Variants in CPNE8 observed in about 807,000 individuals in gnomAD.
The protein encoded by CPNE8 is copine 8, also known as copine-8.
Under a neutral mutation model 81.5 loss-of-function variants are expected in CPNE8, and 45 were observed. The observed-to-expected ratio is 0.55, with a 90% CI of 0.44 to 0.71. CPNE8 has a LOEUF of 0.71. Among genes scored for constraint, CPNE8 ranks in the 30% least tolerant of loss-of-function variants. The pLI is 0.00. For synonymous variants in CPNE8, 252 were observed against 226.3 expected (o/e 1.11, Z -1.02); for missense variants, 594 against 672.1 (o/e 0.88, Z 1.28).
chr12:38,823,548 C>G, intron 6 of CPNE8, among the ~76,000 whole-genome samples: 1 of 152,182 alleles, frequency 6.6e-6, no homozygotes. Context: ...GCTGCTGGTA[C>G]CATTACTGCT....
chr12:38,676,913 A>C (rs146133301), intron 17 of CPNE8, among the ~76,000 whole-genome samples: 269 of 152,292 alleles, frequency 1.8e-3, no homozygotes, highest in African/African-American at 6.2e-3. Flanking sequence ...ACTTCGTGCC[A>C]AACATTGCTA....
At chr12:38,904,361 A>G (rs1320500906) in intron 1 of CPNE8, among the ~76,000 whole-genome samples, 1 of 152,010 alleles carries the variant, frequency 6.6e-6, no homozygotes. Flanking sequence ...AAAATCATCT[A>G]TGATATAGCG....
chr12:38,786,996 T>C (rs1565614831), intron 6 of CPNE8, among the ~76,000 whole-genome samples: 2 of 152,008 alleles, frequency 1.3e-5, no homozygotes, highest in South Asian at 2.1e-4. Context: ...CAGATCCCAA[T>C]ACAATAATAG....
chr12:38,767,785 A>G (rs1469510991), intron 7 of CPNE8, 47 bp from the exon 8 acceptor site: 3 of 1,143,458 alleles, frequency 2.6e-6, no homozygotes, highest in Non-Finnish European at 3.7e-6. Context: ...GCTATAAATA[A>G]CTAGAAACTG....
rs201962461 is a variant in CPNE8 at position 38,676,136 on chromosome 12, AAG to A, written c.1375-364_1375-363del. 3.4e-3 allele frequency: 1,626 copies of A among 474,374 alleles called. 103 individuals carry two copies. In the Admixed American group the frequency reaches 0.085, roughly 25 times the overall value. The allele number at this position is 474,374 out of a possible 1,614,324, so 29.4% of individuals were successfully genotyped here. ...GTCTAAAAAAAAAAAAAAATTAAAA[AAG>A]AAAAAATAATAATTAAGAAGCAAAT... On this transcript the variant is annotated intron_variant, in intron 17 of 19. Transcript: ENST00000331366.
chr12:38,885,170 T>C (rs1944220690), intron 1 of CPNE8, among the ~76,000 whole-genome samples: 1 of 152,186 alleles, frequency 6.6e-6, no homozygotes. Flanking sequence ...TTTAAACTTA[T>C]ATACAGAAAA....
intron 10 of CPNE8, among the ~76,000 whole-genome samples, chr12:38,739,938 T>A (rs1405596416): frequency 6.6e-6 from 1 of 152,190 alleles, no homozygotes; most frequent in Non-Finnish European, 1.5e-5. Flanking sequence ...AGACTCTTTC[T>A]ACATATGTAA....
intron 6 of CPNE8, among the ~76,000 whole-genome samples, chr12:38,819,701 A>T (rs1367977797): frequency 7.0e-6 from 1 of 142,616 alleles, no homozygotes; most frequent in Non-Finnish European, 1.5e-5. Context: ...CGGGAGGCGG[A>T]CCTTGCAGTG....
At chr12:38,861,176 T>A (rs1943827830) in intron 3 of CPNE8, among the ~76,000 whole-genome samples, 1 of 152,082 alleles carries the variant, frequency 6.6e-6, no homozygotes, top group Non-Finnish European at 1.5e-5. Flanking sequence ...ATGAGGTATC[T>A]AAAATAGTCA....
intron 10 of CPNE8, among the ~76,000 whole-genome samples, chr12:38,744,432 C>A (rs1941180102): frequency 6.6e-6 from 1 of 152,184 alleles, no homozygotes; most frequent in African/African-American, 2.4e-5. Context: ...TCTATTCCCC[C>A]AACTGACAAG....
chr12:38,687,399 T>G (rs35513990), intron 15 of CPNE8, among the ~76,000 whole-genome samples: 1 of 128,296 alleles, frequency 7.8e-6, no homozygotes, highest in Non-Finnish European at 1.6e-5. Flanking sequence ...TTTTTTTTTG[T>G]GAGACGGACT....
chr12:38,781,494 C>A (rs1205007895), intron 6 of CPNE8, among the ~76,000 whole-genome samples: 2 of 152,000 alleles, frequency 1.3e-5, no homozygotes, highest in Non-Finnish European at 2.9e-5. Flanking sequence ...AGTACACCTA[C>A]ATTAATAGCA....
chr12:38,880,249 T>A (rs904153718), intron 1 of CPNE8, among the ~76,000 whole-genome samples: 1 of 152,170 alleles, frequency 6.6e-6, no homozygotes, highest in Non-Finnish European at 1.5e-5. Context: ...TAAGGGCCTT[T>A]TATTTATCTA....
chr12:38,811,294 G>C (rs962707475), intron 6 of CPNE8, among the ~76,000 whole-genome samples: 3 of 151,526 alleles, frequency 2.0e-5, no homozygotes, highest in African/African-American at 7.3e-5. Flanking sequence ...TCATAAAATA[G>C]ATTATTACAG....
At chr12:38,782,068 T>C (rs576852031) in intron 6 of CPNE8, among the ~76,000 whole-genome samples, 130 of 152,284 alleles carry the variant, frequency 8.5e-4, no homozygotes, top group South Asian at 1.7e-3. Context: ...TAGTAATATA[T>C]GTACCACTGT....
rs535264946 is a variant in CPNE8, at chr12:38,793,999, G to A, written c.408-17698C>T. Among the ~76,000 whole-genome samples, 7 of 152,134 alleles carry A rather than the reference G, an allele frequency of 4.6e-5. No homozygotes were observed. The South Asian group carries it at 1.5e-3, about 32-fold the overall frequency. On this transcript the variant is annotated intron_variant, in intron 6 of 19. Transcript: ENST00000331366. ...TAGTTTCTTTAATAAAAGGTGGTGG[G>A]AAAACTATCCACATGCAAATGAATG...
intron 13 of CPNE8, among the ~76,000 whole-genome samples, chr12:38,721,848 C>T (rs1244953561): frequency 1.3e-5 from 2 of 152,196 alleles, no homozygotes; most frequent in Non-Finnish European, 2.9e-5. Flanking sequence ...TCTGGTCCAG[C>T]CATAGCCTTG....
intron 13 of CPNE8, among the ~76,000 whole-genome samples, chr12:38,709,114 A>G (rs547363626): frequency 6.6e-6 from 1 of 152,184 alleles, no homozygotes; most frequent in Non-Finnish European, 1.5e-5. Flanking sequence ...TACCAGGACT[A>G]TGCTTCTGCC....
At chr12:38,717,920 G>C (rs1486593751) in intron 13 of CPNE8, among the ~76,000 whole-genome samples, 3 of 151,840 alleles carry the variant, frequency 2.0e-5, no homozygotes, top group Non-Finnish European at 4.4e-5. Flanking sequence ...TCTTATCTTA[G>C]TATTTTAAGT....
Sources: allele counts gnomAD v4.1 joint callset (sites outside exome capture counted in the v4.1 genomes callset), GRCh38; gene constraint gnomAD v4.1.1; transcripts MANE v1.5; gene names NCBI Gene and HGNC (gene_info 2026-07-23, HGNC 2026-07-21).